The following ADCY7 variants were observed in gnomAD, a reference collection of about 807,000 sequenced individuals.
ADCY7 encodes the protein adenylate cyclase type 7.
A neutral mutation model predicts 120.6 loss-of-function variants in ADCY7; 72 were observed. That is an observed-to-expected ratio of 0.60 (90% CI 0.49 to 0.73). ADCY7 has a LOEUF of 0.73. Among genes scored for constraint, ADCY7 ranks in the 30% least tolerant of loss-of-function variants. ADCY7 has a pLI of 0.00. For synonymous variants in ADCY7, 661 were observed against 628.0 expected, an observed-to-expected ratio of 1.05 and a Z score of -0.78; for missense variants, 1,227 against 1,486.0, an observed-to-expected ratio of 0.83 and a Z score of 2.87.
At chr16:50,271,584 G>A (rs761109234) in intron 1 of ADCY7, among the ~76,000 whole-genome samples, 60 of 152,144 alleles carry the variant, frequency 3.9e-4, no homozygotes, top group Non-Finnish European at 8.1e-4. Flanking sequence ...CTCCTGGCTT[G>A]TGAGGCCCTC....
chr16:50,312,780 C>T (rs2036558523), intron 21 of ADCY7, 110 bp from the exon 22 acceptor site: 5 of 1,080,092 alleles, frequency 4.6e-6, no homozygotes, highest in Admixed American at 2.3e-5. Flanking sequence ...CCCCACTCCC[C>T]GAAAGCTGGG....
At position 50,275,489 on chromosome 16, in the gene ADCY7, A is replaced by G. The variant is rs929376585; in HGVS notation, c.-269+8809A>G. Among the ~76,000 whole-genome samples, 3 of 152,244 alleles carry G rather than the reference A, an allele frequency of 2.0e-5. No individual in the cohort carries two copies. The South Asian group carries it at 6.2e-4, about 31-fold the overall frequency. On this transcript the variant is annotated intron_variant, in intron 1 of 25. Transcript: ENST00000673801. ...CCCAAAGGAGGTTCATTAGGGATTC[A>G]GTGCAAAAAGAGTCTCATTAACAAA...
chr16:50,290,512 T>C lies in ADCY7; in HGVS notation c.227T>C (p.Phe76Ser). Reference protein sequence around the residue: ...LGMAFLVLAVFAALSVLMYVE... With the variant: ...LGMAFLVLAVSAALSVLMYVE... ...ATGGCGTTCCTGGTGCTGGCGGTGT[T>C]TGCGGCCCTCTCTGTGCTGATGTAC... is the stretch of plus-strand genomic sequence containing the variant. The change falls in exon 3 of 26, where the codon TTT becomes TCT. Residue 76 changes from phenylalanine (F) to serine (S), a missense_variant. Coordinates refer to ENST00000673801, the MANE Select transcript of ADCY7 (RefSeq NM_001114.5). 6.2e-7 allele frequency: 1 copy of C among 1,614,228 alleles called. No homozygotes were observed. Among genetic ancestry groups the C allele is most frequent in the Non-Finnish European group, 8.5e-7 (1 of 1,180,048 alleles).
intron 1 of ADCY7, among the ~76,000 whole-genome samples, chr16:50,285,301 G>A (rs1435671530): frequency 6.6e-6 from 1 of 152,208 alleles, no homozygotes; most frequent in South Asian, 2.1e-4. Context: ...GAAGGGGATG[G>A]GGCCCCCAGC....
Position 50,246,923 on chromosome 16 carries a change from A to G in ADCY7, c.-64+720A>G, listed in dbSNP as rs114358662. Among the ~76,000 whole-genome samples the G allele has an allele frequency of 7.1e-3, 1,077 of 152,288 alleles. 10 individuals are homozygous for G. The highest frequency in any genetic ancestry group is 0.025 in the African/African-American group (1,040 of 41,550). On this transcript the variant is annotated intron_variant, in intron 1 of 4. Coordinates refer to the ADCY7 transcript ENST00000564044. ...CCAGGAACTCCTTTCTGAGTCCCAG[A>G]GCTGAAGCTGGAAATGACCACGTGG...
chr16:50,294,204 G>T (rs8056293), intron 6 of ADCY7, among the ~76,000 whole-genome samples: 2,162 of 152,234 alleles, frequency 0.014, 53 homozygotes, highest in African/African-American at 0.049. Flanking sequence ...ACGGGAGTTC[G>T]GCAAGGGCTG....
chr16:50,313,073 A>G (rs774667153), intron 22 of ADCY7, 37 bp downstream of exon 22: 121 of 1,609,790 alleles, frequency 7.5e-5, no homozygotes, highest in Middle Eastern at 1.6e-4. Context: ...AGCAGCCCCC[A>G]CCCATGCTGG....
chr16:50,311,368 C>A (rs2036446738), intron 19 of ADCY7, among the ~76,000 whole-genome samples: 1 of 152,164 alleles, frequency 6.6e-6, no homozygotes, highest in Non-Finnish European at 1.5e-5. Context: ...CCCGCACCTG[C>A]AAAATCCTTA....
At chr16:50,248,899 G>T (rs1252795904) in intron 1 of ADCY7, among the ~76,000 whole-genome samples, 2 of 152,168 alleles carry the variant, frequency 1.3e-5, no homozygotes, top group African/African-American at 2.4e-5. Context: ...TACCCTTTTG[G>T]TCGGTGGCAG....
In ADCY7 at chr16:50,290,103, A is replaced by C. The variant is rs376015075; in HGVS notation, c.172-354A>C. On this transcript the variant is annotated intron_variant, in intron 2 of 25. Transcript: ENST00000673801. ...CAGTGTCCTCTTTGGGCGGCTTTAC[A>C]AGGCTCTGCCTGTGAATGAGTCCTG... is the stretch of plus-strand genomic sequence containing the variant. Among the ~76,000 whole-genome samples the C allele has an allele frequency of 1.8e-4, 27 of 152,326 alleles. No homozygotes were observed. The South Asian group carries it at 5.4e-3, about 30-fold the overall frequency.
chr16:50,256,846 G>A (rs2032931529), intron 1 of ADCY7, among the ~76,000 whole-genome samples: 1 of 152,132 alleles, frequency 6.6e-6, no homozygotes, highest in African/African-American at 2.4e-5. Context: ...GGATTTGAAA[G>A]CAGCATGTCA....
intron 1 of ADCY7, among the ~76,000 whole-genome samples, chr16:50,268,849 C>A (rs976748288): frequency 6.6e-6 from 1 of 152,120 alleles, no homozygotes; most frequent in Non-Finnish European, 1.5e-5. Context: ...CCAGCCTGGG[C>A]AACATGGCGA....
intron 1 of ADCY7, among the ~76,000 whole-genome samples, chr16:50,253,997 C>T (rs1430643070): frequency 6.6e-6 from 1 of 152,168 alleles, no homozygotes; most frequent in East Asian, 1.9e-4. Flanking sequence ...CTGTCTCTCT[C>T]CAGTCAGGAG....
chr16:50,312,990 T>C lies in ADCY7; in HGVS notation c.2705T>C (p.Leu902Pro). 1 of 1,614,238 alleles carries C rather than the reference T, an allele frequency of 6.2e-7. No individual in the cohort carries two copies. Among genetic ancestry groups the C allele is most frequent in the Non-Finnish European group, 8.5e-7 (1 of 1,180,044 alleles). ...GAGTGCGATGTCAACAAAGAAGGGCTGGAGTGCCTACGCCTGCTCAATGAG... is the reference window on the plus strand; with the variant it reads ...GAGTGCGATGTCAACAAAGAAGGGCCGGAGTGCCTACGCCTGCTCAATGAG... ...YTECDVNKEG[L>P]ECLRLLNEII... The change falls in exon 22 of 26, where the codon CTG (leucine) becomes CCG (proline). Residue 902 changes from leucine (L) to proline (P), a missense_variant. Physicochemically the swap from Leu to Pro is moderately conservative, Grantham distance 98 (BLOSUM62 -3). Coordinates refer to ENST00000673801, the MANE Select transcript of ADCY7 (RefSeq NM_001114.5).
At chr16:50,278,633 A>G (rs1046204285) in intron 1 of ADCY7, among the ~76,000 whole-genome samples, 3 of 152,194 alleles carry the variant, frequency 2.0e-5, no homozygotes, top group African/African-American at 7.2e-5. Context: ...TAAAAAGGCC[A>G]TATTCACTAC....
Position 50,312,110 on chromosome 16 carries a change from G to A in ADCY7, c.2523G>A (p.Met841Ile). The A allele has an allele frequency of 6.2e-7, 1 of 1,614,214 alleles. No individual in the cohort carries two copies. The highest frequency in any genetic ancestry group is 8.5e-7 in the Non-Finnish European group (1 of 1,180,026). The change falls in exon 21 of 26, where the codon ATG (methionine) becomes ATA (isoleucine). Residue 841 changes from methionine to isoleucine, a missense_variant. By Grantham distance (10) the Met-to-Ile change is conservative (BLOSUM62 1). This residue lies in a region of ADCY7 where 244 missense variants were observed against 332.8 expected (regional missense o/e 0.73). Transcript: ENST00000673801. Reference sequence around the variant, plus strand: ...AGGAGCACGAGGAGTTTGAGACCATGGAGAACGTGAACCGCCTTCTTCTGG... The same window carrying A: ...AGGAGCACGAGGAGTTTGAGACCATAGAGAACGTGAACCGCCTTCTTCTGG... ...FKKEHEEFET[M>I]ENVNRLLLEN...
chr16:50,252,350 G>A (rs528480688), intron 1 of ADCY7, among the ~76,000 whole-genome samples: 6 of 152,318 alleles, frequency 3.9e-5, no homozygotes, highest in South Asian at 2.1e-4. Context: ...CTGGTCCCCC[G>A]CCAGCCTGGC....
chr16:50,261,142 G>A (rs750347743), intron 1 of ADCY7, among the ~76,000 whole-genome samples: 2 of 152,186 alleles, frequency 1.3e-5, no homozygotes, highest in Non-Finnish European at 2.9e-5. Flanking sequence ...CTCCATATAC[G>A]CTAGTTGTGA....
intron 9 of ADCY7, 21 bp from the exon 10 acceptor site, chr16:50,301,061 C>A (rs1367837323): frequency 6.2e-7 from 1 of 1,611,078 alleles, no homozygotes; most frequent in East Asian, 2.2e-5. Context: ...CAAGGCTCTG[C>A]CTGACTTGGG....
Sources: allele counts gnomAD v4.1 joint callset (sites outside exome capture counted in the v4.1 genomes callset), GRCh38; gene constraint gnomAD v4.1.1; regional missense constraint gnomAD v4.1.1; transcripts MANE v1.5; gene names NCBI Gene and HGNC (gene_info 2026-07-23, HGNC 2026-07-21).